The following MECOM variants were observed in gnomAD, a reference collection of about 807,000 sequenced individuals.
The protein encoded by MECOM is histone-lysine N-methyltransferase MECOM.
A neutral mutation model predicts 116.3 loss-of-function variants in MECOM; 13 were observed. The ratio of observed to expected loss-of-function variants is 0.11; its 90% CI spans 0.07 to 0.18. The LOEUF is 0.18. Among genes scored for constraint, MECOM ranks in the 10% least tolerant of loss-of-function variants. The pLI is 1.00. For synonymous variants in MECOM, 528 were observed against 535.2 expected, an observed-to-expected ratio of 0.99 and a Z score of 0.19; for missense variants, 1,299 against 1,509.0, an observed-to-expected ratio of 0.86 and a Z score of 2.31.
chr3:169,450,387 T>C (rs1371974961), intron 1 of MECOM, among the ~76,000 whole-genome samples: 1 of 151,950 alleles, frequency 6.6e-6, no homozygotes, highest in Non-Finnish European at 1.5e-5. Context: ...CTTCCAAAAG[T>C]TCTTGTTATT....
intron 2 of MECOM, among the ~76,000 whole-genome samples, chr3:169,155,251 AT>A (rs1288816885): frequency 6.6e-6 from 1 of 152,218 alleles, no homozygotes; most frequent in African/African-American, 2.4e-5. Context: ...TTAGAAAGGA[AT>A]TCCTACCACT....
intron 2 of MECOM, among the ~76,000 whole-genome samples, chr3:169,258,042 G>A (rs1222658446): frequency 3.3e-5 from 5 of 152,086 alleles, no homozygotes; most frequent in African/African-American, 7.2e-5. Context: ...CCAACATGGC[G>A]AAACCCCATC....
At chr3:169,483,992 T>C in intron 1 of MECOM, 1 of 1,599,432 alleles carries the variant, frequency 6.3e-7, no homozygotes, top group Non-Finnish European at 8.5e-7. Flanking sequence ...AAGAGTGAAC[T>C]TCAGAACTTG....
chr3:169,385,456 G>A (rs1733169390), intron 1 of MECOM, among the ~76,000 whole-genome samples: 1 of 151,946 alleles, frequency 6.6e-6, no homozygotes, highest in Non-Finnish European at 1.5e-5. Context: ...TTGTTTTGAA[G>A]CCACTTTTAA....
intron 1 of MECOM, among the ~76,000 whole-genome samples, chr3:169,401,126 GT>G (rs1487727303): frequency 3.3e-5 from 5 of 152,166 alleles, no homozygotes; most frequent in African/African-American, 1.2e-4. Context: ...CTGCTGTTAA[GT>G]GCCGGGATCT....
At chr3:169,359,916 T>C (rs1727910314) in intron 2 of MECOM, among the ~76,000 whole-genome samples, 1 of 151,756 alleles carries the variant, frequency 6.6e-6, no homozygotes, top group South Asian at 2.1e-4. Flanking sequence ...GGTAGTTTTG[T>C]GACAATTTAG....
intron 2 of MECOM, among the ~76,000 whole-genome samples, chr3:169,349,247 C>CT (rs548591573): frequency 5.9e-4 from 90 of 151,782 alleles, no homozygotes; most frequent in Middle Eastern, 3.4e-3. Flanking sequence ...TGCTCTTTTT[C>CT]TTTTTTTTAA....
At chr3:169,184,208 C>G (rs1362922426) in intron 2 of MECOM, among the ~76,000 whole-genome samples, 1 of 152,066 alleles carries the variant, frequency 6.6e-6, no homozygotes, top group African/African-American at 2.4e-5. Context: ...CTGCAGGGTA[C>G]TTTCTCAGGG....
chr3:169,483,288 T>G (rs1002377266), intron 1 of MECOM, among the ~76,000 whole-genome samples: 3 of 151,834 alleles, frequency 2.0e-5, no homozygotes, highest in Non-Finnish European at 4.4e-5. Flanking sequence ...CGCATTTTCT[T>G]TTAATGAATG....
intron 5 of MECOM, among the ~76,000 whole-genome samples, chr3:169,124,831 C>T (rs1732297403): frequency 6.6e-6 from 1 of 152,008 alleles, no homozygotes; most frequent in Non-Finnish European, 1.5e-5. Context: ...AAAGTACCAA[C>T]CATGAAAGCA....
intron 2 of MECOM, among the ~76,000 whole-genome samples, chr3:169,324,765 G>A (rs1257975743): frequency 2.0e-5 from 3 of 152,186 alleles, no homozygotes; most frequent in Admixed American, 2.0e-4. Flanking sequence ...TGAGGACAGT[G>A]GGCTGGGGCT....
At chr3:169,202,893 C>A (rs1749375149) in intron 2 of MECOM, among the ~76,000 whole-genome samples, 3 of 149,608 alleles carry the variant, frequency 2.0e-5, no homozygotes, top group African/African-American at 7.4e-5. Flanking sequence ...CTCCACCAGG[C>A]AAGCAGATGG....
In MECOM at chr3:169,372,923, G is replaced by C. The variant is rs560373492; in HGVS notation, c.375+8264C>G. ...ACCAGGAAGTCTCACTCCAGAAGAA[G>C]CCTGTTTCCCACTGCTCCGCATGCA... On this transcript the variant is annotated intron_variant, in intron 2 of 16. Coordinates refer to ENST00000651503, the MANE Select transcript of MECOM (RefSeq NM_004991.4). Among the ~76,000 whole-genome samples, 3 of 151,992 alleles carry C rather than the reference G, an allele frequency of 2.0e-5. No individual in the cohort carries two copies. The South Asian group carries it at 6.2e-4, about 32-fold the overall frequency.
intron 1 of MECOM, among the ~76,000 whole-genome samples, chr3:169,419,112 G>C (rs1158517161): frequency 6.6e-6 from 1 of 152,156 alleles, no homozygotes; most frequent in African/African-American, 2.4e-5. Context: ...TAGACAAACA[G>C]AGAGCCAAAT....
At chr3:169,337,867 A>C (rs1384195319) in intron 2 of MECOM, among the ~76,000 whole-genome samples, 1 of 152,180 alleles carries the variant, frequency 6.6e-6, no homozygotes, top group South Asian at 2.1e-4. Flanking sequence ...TATAATCTAT[A>C]CTCAGCCATT....
At chr3:169,631,529 T>C (rs1254890382) in intron 1 of MECOM, among the ~76,000 whole-genome samples, 1 of 151,864 alleles carries the variant, frequency 6.6e-6, no homozygotes, top group African/African-American at 2.4e-5. Context: ...GTTACATATG[T>C]ATACATGTGC....
At chr3:169,483,645 T>A (rs1245437594) in intron 1 of MECOM, 1 of 1,458,572 alleles carries the variant, frequency 6.9e-7, no homozygotes, top group Non-Finnish European at 9.3e-7. Flanking sequence ...CAAGAACTCA[T>A]ACAAAATTTT....
chr3:169,180,804 T>C (rs939090078), intron 2 of MECOM, among the ~76,000 whole-genome samples: 5 of 142,946 alleles, frequency 3.5e-5, no homozygotes, highest in Non-Finnish European at 7.7e-5. Flanking sequence ...GATATATATA[T>C]ATATATATAT....
intron 10 of MECOM, among the ~76,000 whole-genome samples, chr3:169,104,905 T>A (rs529979186): frequency 7.9e-5 from 12 of 152,290 alleles, no homozygotes; most frequent in Non-Finnish European, 1.5e-4. Context: ...AAATATATTA[T>A]GGGCTTGATG....
Sources: allele counts gnomAD v4.1 joint callset (sites outside exome capture counted in the v4.1 genomes callset), GRCh38; gene constraint gnomAD v4.1.1; transcripts MANE v1.5; gene names NCBI Gene and HGNC (gene_info 2026-07-23, HGNC 2026-07-21).